The following ANKAR variants were observed in gnomAD, a reference collection of about 807,000 sequenced individuals.
ANKAR encodes ankyrin and armadillo repeat containing.
A neutral mutation model predicts 146.2 loss-of-function variants in ANKAR; 136 were observed. The ratio of observed to expected loss-of-function variants is 0.93; its 90% CI spans 0.81 to 1.07. The LOEUF is 1.07. ANKAR is among the 50% of genes least tolerant of loss of function. The pLI is 0.00. For missense variants in ANKAR, 1,567 were observed against 1,679.9 expected, an observed-to-expected ratio of 0.93 and a Z score of 1.18; for synonymous variants, 500 against 575.8, an observed-to-expected ratio of 0.87 and a Z score of 1.88.
chr2:189,713,018 G>A (rs1240131226), intron 10 of ANKAR, among the ~76,000 whole-genome samples: 1 of 152,086 alleles, frequency 6.6e-6, no homozygotes. Flanking sequence ...GGAAGAAAGG[G>A]TATCAGTGAT....
intron 8 of ANKAR, among the ~76,000 whole-genome samples, chr2:189,705,615 G>A (rs892480776): frequency 3.3e-5 from 5 of 152,178 alleles, no homozygotes; most frequent in African/African-American, 1.2e-4. Context: ...CTAGGGAGGA[G>A]AGGGTTGCTC....
chr2:189,719,830 T>C lies in ANKAR; in HGVS notation c.2466+17T>C, dbSNP rs780918541. 2 of 1,535,672 alleles carry C rather than the reference T, an allele frequency of 1.3e-6. No homozygotes were observed. The highest frequency in any genetic ancestry group is 1.7e-5 in the Admixed American group (1 of 57,540). ...GCCAAATATGTAAGTTCCTTTCATA[T>C]ACAATTATTTTTGACTGACAATAAC... On this transcript the variant is annotated intron_variant, in intron 11 of 22. Transcript: ENST00000684021.
intron 12 of ANKAR, among the ~76,000 whole-genome samples, chr2:189,726,644 C>A (rs1240713066): frequency 6.6e-6 from 1 of 152,028 alleles, no homozygotes; most frequent in Admixed American, 6.6e-5. Flanking sequence ...TAACTAAGTG[C>A]AATACATGGT....
At chr2:189,691,865 G>A (rs1288770755) in intron 3 of ANKAR, among the ~76,000 whole-genome samples, 2 of 151,914 alleles carry the variant, frequency 1.3e-5, no homozygotes, top group East Asian at 1.9e-4. Flanking sequence ...GGGCTCAAGC[G>A]ATACTCTCAC....
chr2:189,690,023 A>C, intron 3 of ANKAR, 59 bp downstream of exon 3: 1 of 1,270,268 alleles, frequency 7.9e-7, no homozygotes, highest in Non-Finnish European at 1.0e-6. Context: ...TATATGTTTA[A>C]ATGCAATTTT....
At chr2:189,696,402 T>C in intron 7 of ANKAR, 33 bp downstream of exon 7, 6 of 1,585,030 alleles carry the variant, frequency 3.8e-6, no homozygotes, top group Non-Finnish European at 5.2e-6. Context: ...AAAATGTTGT[T>C]ATTTTATTTA....
At chr2:189,760,698 G>C (rs1574930038) in intron 18 of ANKAR, among the ~76,000 whole-genome samples, 1 of 91,442 alleles carries the variant, frequency 1.1e-5, no homozygotes, top group South Asian at 2.7e-4. Context: ...GGCTGAGACA[G>C]GGGAATCGTT....
At chr2:189,734,781 T>A (rs1177248413) in intron 17 of ANKAR, among the ~76,000 whole-genome samples, 1 of 152,050 alleles carries the variant, frequency 6.6e-6, no homozygotes, top group Non-Finnish European at 1.5e-5. Context: ...CTTGCCAATA[T>A]GGTGAAACCC....
downstream of ANKAR, chr2:189,746,755 A>C (rs1226648283): frequency 1.3e-5 from 12 of 951,610 alleles, no homozygotes; most frequent in Non-Finnish European, 1.6e-5. Context: ...CTCGATACTA[A>C]GCAGATTTTC....
intron 12 of ANKAR, 125 bp downstream of exon 12, chr2:189,720,912 A>T: frequency 1.4e-6 from 1 of 704,750 alleles, no homozygotes; most frequent in Admixed American, 3.2e-5. Flanking sequence ...TAAACGTGTA[A>T]TATAACCTTA....
At chr2:189,704,544 CATATAT>C (rs10578902) in intron 7 of ANKAR, among the ~76,000 whole-genome samples, 1,257 of 36,070 alleles carry the variant, frequency 0.035, 18 homozygotes, top group Middle Eastern at 0.083. Context: ...CCTTTGTTAA[CATATAT>C]ATATATATAT....
At chr2:189,718,745 CTT>C (rs11377626) in intron 10 of ANKAR, among the ~76,000 whole-genome samples, 5 of 139,156 alleles carry the variant, frequency 3.6e-5, no homozygotes, top group Admixed American at 7.2e-5. Flanking sequence ...TTTCTATTTT[CTT>C]TTTTTTTTTT....
intron 19 of ANKAR, among the ~76,000 whole-genome samples, chr2:189,740,560 T>TTA (rs1001442456): frequency 2.8e-4 from 43 of 152,352 alleles, no homozygotes; most frequent in African/African-American, 9.6e-4. Flanking sequence ...GACACTTTAT[T>TTA]ATTTTAAATC....
At chr2:189,760,549 T>C (rs754647749) in intron 18 of ANKAR, among the ~76,000 whole-genome samples, 1 of 152,190 alleles carries the variant, frequency 6.6e-6, no homozygotes, top group Non-Finnish European at 1.5e-5. Context: ...TCCCTGCACT[T>C]TGGGAGGCCG....
chr2:189,675,438 C>T (rs1550241), intron 1 of ANKAR, among the ~76,000 whole-genome samples: 150,081 of 152,100 alleles, frequency 0.99, 74,082 homozygotes, highest in East Asian at 1. Context: ...CCGCAACCTC[C>T]GCCTCCTGGG....
rs527869740 is a variant in ANKAR at position 189,753,837 on chromosome 2, A to G, written c.*585-7261A>G. On this transcript the variant is annotated intron_variant and NMD_transcript_variant, in intron 18 of 18. Coordinates refer to the ANKAR transcript ENST00000441800. ...TAAGGCATAAAGATCTGTTCATCCT[A>G]AACACAAGGTCAAGGTCTTGGGAAA... is the stretch of plus-strand genomic sequence containing the variant. 1.0e-5 allele frequency: 15 copies of G among 1,463,496 alleles called. No individual in the cohort carries two copies. In the South Asian group the frequency reaches 1.4e-4, roughly 13 times the overall value. 90.7% of individuals were successfully genotyped at this position (1,463,496 alleles called of 1,614,324 possible). A position where few individuals can be genotyped will look rare whatever the true frequency, so the allele number is the denominator to read the frequency against.
chr2:189,727,933 A>G lies in ANKAR; in HGVS notation c.2713A>G (p.Met905Val), dbSNP rs376787605. Residue 905 changes from methionine to valine, a missense_variant, in exon 13 of 23, where the codon ATG becomes GTG. Physicochemically the swap from Met to Val is conservative, Grantham distance 21. Coordinates refer to ENST00000684021, the MANE Select transcript of ANKAR (RefSeq NM_001378068.1). ...TAAGGAAATTCAGGATGCTATAGCT[A>G]TGGAGGGAGCGATTCCTCCTCTGGT... ...DNKEIQDAIA[M>V]EGAIPPLVAL... The G allele has an allele frequency of 1.2e-6, 2 of 1,614,044 alleles. No homozygotes were observed. The highest frequency in any genetic ancestry group is 1.7e-4 in the Middle Eastern group (1 of 6,060).
intron 11 of ANKAR, 53 bp downstream of exon 11, chr2:189,719,866 A>G: frequency 6.8e-7 from 1 of 1,479,800 alleles, no homozygotes; most frequent in East Asian, 2.3e-5. Flanking sequence ...TCCCTCATAT[A>G]GAAGTTACAA....
At chr2:189,759,953 G>A (rs537906000) in intron 18 of ANKAR, among the ~76,000 whole-genome samples, 24 of 152,164 alleles carry the variant, frequency 1.6e-4, no homozygotes, top group African/African-American at 5.8e-4. Context: ...AGGGAGTGGT[G>A]ATGACTCTTA....
Sources: gnomAD v4.1 joint callset for allele counts (sites outside exome capture counted in the v4.1 genomes callset) on GRCh38, gnomAD v4.1.1 for gene constraint, MANE v1.5 for transcripts, NCBI Gene and HGNC (gene_info 2026-07-23, HGNC 2026-07-21) for gene names.